The following CADPS2 variants were observed in gnomAD, a reference collection of about 807,000 sequenced individuals.
The protein encoded by CADPS2 is calcium-dependent secretion activator 2.
In CADPS2, 93 loss-of-function variants were observed where a neutral mutation model predicts 172.5. The ratio of observed to expected loss-of-function variants is 0.54; its 90% CI spans 0.46 to 0.64. The LOEUF is 0.64. CADPS2 is among the 30% of genes least tolerant of loss of function. The pLI, the probability that CADPS2 is intolerant of heterozygous loss-of-function variation, is 0.00. For synonymous variants in CADPS2, 546 were observed against 555.2 expected, an observed-to-expected ratio of 0.98 and a Z score of 0.23; for missense variants, 1,420 against 1,565.9, an observed-to-expected ratio of 0.91 and a Z score of 1.57.
intron 8 of CADPS2, among the ~76,000 whole-genome samples, chr7:122,522,623 T>C (rs2060897097): frequency 6.6e-6 from 1 of 152,260 alleles, no homozygotes; most frequent in Non-Finnish European, 1.5e-5. Context: ...TTATTAACTA[T>C]AGTCACCCTA....
intron 1 of CADPS2, among the ~76,000 whole-genome samples, chr7:122,754,455 CTT>C (rs2093075289): frequency 6.6e-6 from 1 of 152,000 alleles, no homozygotes; most frequent in Non-Finnish European, 1.5e-5. Context: ...AATTTTGAAA[CTT>C]TTGTTTTCAT....
chr7:122,859,923 C>T (rs999577224), intron 1 of CADPS2, among the ~76,000 whole-genome samples: 15 of 152,102 alleles, frequency 9.9e-5, no homozygotes, highest in African/African-American at 3.6e-4. Context: ...TATAATGATT[C>T]TCCAGAGCAA....
intron 15 of CADPS2, among the ~76,000 whole-genome samples, chr7:122,445,629 G>A (rs1206626315): frequency 6.6e-6 from 1 of 152,084 alleles, no homozygotes; most frequent in Non-Finnish European, 1.5e-5. Context: ...GTAGCCCTGG[G>A]CAACATAGGG....
At chr7:122,451,311 G>T (rs2053071686) in intron 15 of CADPS2, 63 bp downstream of exon 15, 2 of 791,478 alleles carry the variant, frequency 2.5e-6, no homozygotes, top group Non-Finnish European at 3.7e-6. Flanking sequence ...AACAATTTTT[G>T]GGGGAAGTAA....
chr7:122,569,370 G>T (rs975219963), intron 7 of CADPS2, among the ~76,000 whole-genome samples: 1 of 151,688 alleles, frequency 6.6e-6, no homozygotes, highest in African/African-American at 2.4e-5. Flanking sequence ...CACTGCTCAA[G>T]GAAATAAAAG....
At chr7:122,516,567 G>C (rs147256079) in intron 8 of CADPS2, among the ~76,000 whole-genome samples, 2 of 150,924 alleles carry the variant, frequency 1.3e-5, no homozygotes, top group African/African-American at 4.9e-5. Context: ...AAGGAATGAA[G>C]ATAAAAATGT....
intron 19 of CADPS2, 128 bp downstream of exon 19, chr7:122,413,940 A>C: frequency 1.3e-6 from 1 of 750,078 alleles, no homozygotes; most frequent in Non-Finnish European, 2.2e-6. Flanking sequence ...AGAAAAACAG[A>C]CATTCTGTAA....
chr7:122,713,249 A>G (rs1463657584), intron 2 of CADPS2, among the ~76,000 whole-genome samples: 1 of 152,016 alleles, frequency 6.6e-6, no homozygotes, highest in East Asian at 1.9e-4. Context: ...CAGGAATAGC[A>G]ATTGTTGAAT....
At chr7:122,702,609 C>A in intron 2 of CADPS2, 1 of 1,613,632 alleles carries the variant, frequency 6.2e-7, no homozygotes. Flanking sequence ...TCATTTCCAA[C>A]CTGAAATGTT....
chr7:122,366,437 T>C (rs1414426545), intron 25 of CADPS2, among the ~76,000 whole-genome samples: 1 of 132,790 alleles, frequency 7.5e-6, no homozygotes, highest in Non-Finnish European at 1.6e-5. Context: ...ACCCCATCTC[T>C]ACTAAAAAAA....
chr7:122,736,918 G>A (rs757120545), intron 2 of CADPS2, 37 bp downstream of exon 2: 12 of 1,019,114 alleles, frequency 1.2e-5, no homozygotes, highest in Admixed American at 7.7e-5. Context: ...CTTTTAAAAT[G>A]CATCGGAAAG....
In CADPS2 at chr7:122,663,327, A is replaced by T. The variant is rs765753206; in HGVS notation, c.696T>A (p.Leu232=). The change falls in exon 3 of 30, where the codon CTT becomes CTA. Residue 232 remains leucine, a synonymous_variant. Coordinates refer to ENST00000449022, the MANE Select transcript of CADPS2 (RefSeq NM_017954.11). ...CATAGAGTTGTTCCTTGCTCAGAAT[A>T]AGTTCAGACACTGCACTTAGGGCCA... ...NRMALSAVSE[L]ILSKEQLYEM... The T allele has an allele frequency of 1.9e-6, 3 of 1,613,962 alleles. No individual in the cohort carries two copies. In the South Asian group the frequency reaches 3.3e-5, roughly 18 times the overall value.
intron 2 of CADPS2, among the ~76,000 whole-genome samples, chr7:122,734,707 T>C (rs772392759): frequency 3.9e-5 from 6 of 152,152 alleles, no homozygotes; most frequent in Non-Finnish European, 8.8e-5. Context: ...TTTTCTACCT[T>C]ATTTTTCCAA....
intron 3 of CADPS2, among the ~76,000 whole-genome samples, chr7:122,629,535 T>C (rs539305381): frequency 1.3e-5 from 2 of 152,272 alleles, no homozygotes; most frequent in African/African-American, 4.8e-5. Flanking sequence ...TACTTTCTCA[T>C]TGTGGTTTTA....
Position 122,490,144 on chromosome 7 carries a change from G to T in CADPS2, c.1789C>A (p.Pro597Thr). ...TTCAGTTTCTGGGTTTGAATTGCAG[G>T]AACTGGTTTATATGATTGACCTGTG... is the stretch of plus-strand genomic sequence containing the variant. ...RATGQSYKPV[P>T]AIQTQKLNPK... The change falls in exon 11 of 30, where the codon CCT becomes ACT. Residue 597 changes from proline (P) to threonine (T), a missense_variant. Transcript: ENST00000449022. 6.2e-7 allele frequency: 1 copy of T among 1,613,434 alleles called. No individual in the cohort carries two copies. Among genetic ancestry groups the T allele is most frequent in the Non-Finnish European group, 8.5e-7 (1 of 1,179,564 alleles).
intron 1 of CADPS2, among the ~76,000 whole-genome samples, chr7:122,775,089 T>C (rs958011843): frequency 3.3e-5 from 5 of 152,180 alleles, no homozygotes; most frequent in African/African-American, 1.2e-4. Context: ...GTTGCTAGGT[T>C]GTTTTGTGTT....
chr7:122,859,013 AT>A (rs1253580041), intron 1 of CADPS2, among the ~76,000 whole-genome samples: 1 of 152,226 alleles, frequency 6.6e-6, no homozygotes. Context: ...ATAAAAAAAA[AT>A]TAGGTAACTT....
At chr7:122,462,816 A>G (rs2054626672) in intron 14 of CADPS2, among the ~76,000 whole-genome samples, 1 of 152,178 alleles carries the variant, frequency 6.6e-6, no homozygotes, top group African/African-American at 2.4e-5. Context: ...CTTAAGCTTG[A>G]ACACAGAACA....
chr7:122,879,334 G>A (rs1822230448), intron 1 of CADPS2, among the ~76,000 whole-genome samples: 2 of 150,890 alleles, frequency 1.3e-5, no homozygotes, highest in Admixed American at 6.6e-5. Flanking sequence ...TCAGGAGTTC[G>A]AGACCAGCCT....
Sources: gnomAD v4.1 joint callset for allele counts (sites outside exome capture counted in the v4.1 genomes callset) on GRCh38, gnomAD v4.1.1 for gene constraint, MANE v1.5 for transcripts, NCBI Gene and HGNC (gene_info 2026-07-23, HGNC 2026-07-21) for gene names.